The following TRIM66 variants were observed in gnomAD, a reference collection of about 807,000 sequenced individuals.
TRIM66 encodes the protein tripartite motif-containing protein 66.
In TRIM66, 99 loss-of-function variants were observed where a neutral mutation model predicts 148.2. The ratio of observed to expected loss-of-function variants is 0.67; its 90% CI spans 0.57 to 0.79. TRIM66 has a LOEUF of 0.79. Ranked by LOEUF, TRIM66 falls within the 30% of genes least tolerant of loss-of-function variation. The pLI is 0.00. For synonymous variants in TRIM66, 616 were observed against 635.9 expected (o/e 0.97, Z 0.47); for missense variants, 1,666 against 1,697.9 (o/e 0.98, Z 0.33).
At chr11:8,633,865 CAAATT>C (rs2035636345) in intron 15 of TRIM66, among the ~76,000 whole-genome samples, 1 of 152,132 alleles carries the variant, frequency 6.6e-6, no homozygotes, top group South Asian at 2.1e-4. Flanking sequence ...TTATAAGACT[CAAATT>C]AAGAGATCGG....
At chr11:8,649,672 T>C in intron 8 of TRIM66, 68 bp downstream of exon 8, 2 of 1,518,722 alleles carry the variant, frequency 1.3e-6, no homozygotes, top group East Asian at 2.5e-5. Flanking sequence ...AGAGCTATTC[T>C]CCAGGGATCT....
chr11:8,664,822 T>C lies in TRIM66; in HGVS notation c.340+6964A>G, dbSNP rs567540163. Among the ~76,000 whole-genome samples, 27 of 152,194 alleles carry C rather than the reference T, an allele frequency of 1.8e-4. No individual in the cohort carries two copies. In the South Asian group the frequency reaches 5.6e-3, roughly 32 times the overall value. On this transcript the variant is annotated intron_variant, in intron 6 of 24. Transcript: ENST00000646038. ...ATGAGAAGATGCCTACCTCATGACATCCCCTCAGTTCCAAGCCCCAGAGCA... is the reference window on the plus strand; with the variant it reads ...ATGAGAAGATGCCTACCTCATGACACCCCCTCAGTTCCAAGCCCCAGAGCA...
chr11:8,617,965 G>A lies in TRIM66; in HGVS notation c.4158C>T (p.Ala1386=). Residue 1386 remains alanine, a synonymous_variant, in exon 25 of 25, where the codon GCC becomes GCT. Transcript: ENST00000646038. ...ERAKRMSFRL[A]NSISQV is the part of the protein sequence containing the mutation. ...GCTCTCACACCTGAGAGATGCTGTT[G>A]GCCAGGCGAAATGACATTCTTTTTG... 3.2e-6 allele frequency: 5 copies of A among 1,551,622 alleles called. No individual in the cohort carries two copies. Among genetic ancestry groups the A allele is most frequent in the African/African-American group, 1.4e-5 (1 of 73,154 alleles).
At chr11:8,680,689 G>A (rs2039372563) in intron 1 of TRIM66, 1 of 152,244 alleles carries the variant, frequency 6.6e-6, no homozygotes, top group Non-Finnish European at 1.5e-5. Context: ...ATACTAACCA[G>A]TAATTAAGTG....
Position 8,613,839 on chromosome 11 carries a change from G to A in TRIM66, c.*4105C>T, listed in dbSNP as rs1209822238. On this transcript the variant is annotated 3_prime_UTR_variant, in exon 25 of 25. Coordinates refer to ENST00000646038, the MANE Select transcript of TRIM66 (RefSeq NM_001388022.1). ...GGCTGTCTTCTGTGAAGTAGACAGTGAGCTCAGTCATTTGTGGAGGACAAA... is the reference window on the plus strand; with the variant it reads ...GGCTGTCTTCTGTGAAGTAGACAGTAAGCTCAGTCATTTGTGGAGGACAAA... The A allele has an allele frequency of 6.6e-6, 1 of 152,132 alleles. No homozygotes were observed. The highest frequency in any genetic ancestry group is 6.5e-5 in the Admixed American group (1 of 15,280). The allele number at this position is 152,132 out of a possible 1,614,324, so 9.4% of individuals were successfully genotyped here. A position where few individuals can be genotyped will look rare whatever the true frequency, so the allele number is the denominator to read the frequency against.
chr11:8,671,765 T>G (rs1362975558), intron 6 of TRIM66, 21 bp downstream of exon 6: 1 of 1,065,416 alleles, frequency 9.4e-7, no homozygotes, highest in South Asian at 1.3e-5. Context: ...GGAGGTGAAC[T>G]TGTGGTGCCT....
chr11:8,677,202 ATAG>A (rs1033760982), intron 3 of TRIM66, among the ~76,000 whole-genome samples: 7 of 152,258 alleles, frequency 4.6e-5, no homozygotes, highest in Middle Eastern at 3.4e-3. Flanking sequence ...TGAGCGAGAA[ATAG>A]TAGGTAATGA....
chr11:8,640,504 T>C lies in TRIM66; in HGVS notation c.1871A>G (p.His624Arg), dbSNP rs1379481633. 8.0e-7 allele frequency: 1 copy of C among 1,249,870 alleles called. No individual in the cohort carries two copies. The highest frequency in any genetic ancestry group is 4.8e-5 in the East Asian group (1 of 20,636). The allele number at this position is 1,249,870 out of a possible 1,614,324, so 77.4% of individuals were successfully genotyped here. Residue 624 changes from histidine to arginine, a missense_variant, in exon 14 of 25, where the codon CAC becomes CGC. Physicochemically the swap from His to Arg is conservative, Grantham distance 29 (BLOSUM62 0). Transcript: ENST00000646038. ...ATGCTGGGATGGAGGAAGAGGTGGG[T>C]GTGGCTGCTGTGGGGGAGGGGGAAG... Reference protein sequence around the residue: ...PPLPPPPQQPHPPLPPSQHLA... With the variant: ...PPLPPPPQQPRPPLPPSQHLA...
At chr11:8,618,553 A>C (rs1246862505) in intron 24 of TRIM66, among the ~76,000 whole-genome samples, 197 bp downstream of exon 24, 3 of 152,082 alleles carry the variant, frequency 2.0e-5, no homozygotes, top group African/African-American at 7.2e-5. Context: ...TCTGAGTTTC[A>C]AGTCTCGTGA....
chr11:8,633,912 C>T (rs1185158411), intron 15 of TRIM66, among the ~76,000 whole-genome samples: 1 of 152,154 alleles, frequency 6.6e-6, no homozygotes, highest in Non-Finnish European at 1.5e-5. Flanking sequence ...GGTATAAATA[C>T]TATCTGCCTG....
chr11:8,677,157 A>G (rs1004102410), intron 3 of TRIM66, among the ~76,000 whole-genome samples: 2 of 152,240 alleles, frequency 1.3e-5, no homozygotes, highest in Admixed American at 6.5e-5. Flanking sequence ...AGAACAAATT[A>G]TCATAAAAAT....
chr11:8,642,255 C>T (rs937429074), intron 13 of TRIM66, among the ~76,000 whole-genome samples: 1 of 152,092 alleles, frequency 6.6e-6, no homozygotes, highest in Non-Finnish European at 1.5e-5. Flanking sequence ...CAGCATGGGG[C>T]CTAAACAAGA....
intron 4 of TRIM66, among the ~76,000 whole-genome samples, chr11:8,673,131 G>A (rs1017672711): frequency 6.8e-6 from 1 of 147,256 alleles, no homozygotes; most frequent in Non-Finnish European, 1.5e-5. Flanking sequence ...TAGTAGAGAC[G>A]GGGTTTCACC....
Position 8,625,143 on chromosome 11 carries a change from G to A in TRIM66, c.2396C>T (p.Pro799Leu). 1 of 1,549,652 alleles carries A rather than the reference G, an allele frequency of 6.5e-7. No homozygotes were observed. Among genetic ancestry groups the A allele is most frequent in the Non-Finnish European group, 8.7e-7 (1 of 1,145,556 alleles). Residue 799 changes from proline (P) to leucine (L), a missense_variant, in exon 16 of 25, where the codon CCA (proline) becomes CTA (leucine). Around this residue, in one of 3 missense-constraint regions of TRIM66, gnomAD observed 1,431 missense variants for 1,412.4 expected, o/e 1.01. Transcript: ENST00000646038. ...SSTRLERPLE[P>L]QIQSVSNLTA... is the part of the protein sequence containing the mutation. ...CAGGTTGCTCACACTCTGGATCTGT[G>A]GCTCTAGGGGCCTCTCCAACCTGGT... is the stretch of plus-strand genomic sequence containing the variant.
chr11:8,644,191 A>T, intron 12 of TRIM66: 1 of 293,326 alleles, frequency 3.4e-6, no homozygotes, highest in Non-Finnish European at 6.6e-6. Context: ...TACAGTCATG[A>T]TATCACTAGT....
intron 3 of TRIM66, among the ~76,000 whole-genome samples, chr11:8,677,174 CATTTT>C (rs2039215129): frequency 6.6e-6 from 1 of 152,094 alleles, no homozygotes; most frequent in Admixed American, 6.5e-5. Context: ...AAATAACACT[CATTTT>C]AGGGAGAAAA....
At position 8,640,257 on chromosome 11, in the gene TRIM66, G is replaced by C; in HGVS notation, c.2118C>G (p.Val706=). 3 of 1,551,690 alleles carry C rather than the reference G, an allele frequency of 1.9e-6. 1 individual carries two copies. Among genetic ancestry groups the C allele is most frequent in the East Asian group, 2.4e-5 (1 of 40,912 alleles). Residue 706 remains valine, a synonymous_variant, in exon 14 of 25, where the codon GTC becomes GTG. Transcript: ENST00000646038. ...INYIVRQPAP[V]QSQSQEETLQ... ...GGGTCTCCTCCTGGCTCTGGGACTG[G>C]ACAGGTGCTGGCTGCCTCACGATGT...
chr11:8,659,327 G>A (rs1028014447), intron 6 of TRIM66, among the ~76,000 whole-genome samples: 2 of 152,132 alleles, frequency 1.3e-5, no homozygotes, highest in East Asian at 3.9e-4. Flanking sequence ...ACACAGGGAG[G>A]TCAGGGTAGT....
At chr11:8,658,308 C>T (rs2038005878) in intron 6 of TRIM66, among the ~76,000 whole-genome samples, 1 of 152,194 alleles carries the variant, frequency 6.6e-6, no homozygotes, top group South Asian at 2.1e-4. Flanking sequence ...CCTCTGGGTG[C>T]CTTGGAATAG....
Sources: gnomAD v4.1 joint callset for allele counts (sites outside exome capture counted in the v4.1 genomes callset) on GRCh38, gnomAD v4.1.1 for gene constraint, gnomAD v4.1.1 regional missense constraint, MANE v1.5 for transcripts, NCBI Gene and HGNC (gene_info 2026-07-23, HGNC 2026-07-21) for gene names.